Variants in LEKR1 observed in about 807,000 individuals in gnomAD.
LEKR1 encodes leucine, glutamate and lysine rich 1.
A neutral mutation model predicts 72.4 loss-of-function variants in LEKR1; 59 were observed. The ratio of observed to expected loss-of-function variants is 0.82; its 90% CI spans 0.66 to 1.01. The LOEUF is 1.01. Ranked by LOEUF, LEKR1 falls within the 50% of genes least tolerant of loss-of-function variation. The pLI is 0.00. For synonymous variants in LEKR1, 257 were observed against 263.2 expected (o/e 0.98, Z 0.23); for missense variants, 728 against 759.2 (o/e 0.96, Z 0.48).
At chr3:156,994,768 A>G (rs555625252) in intron 9 of LEKR1, among the ~76,000 whole-genome samples, 36 of 152,332 alleles carry the variant, frequency 2.4e-4, no homozygotes, top group African/African-American at 8.4e-4. Flanking sequence ...AATAAATACA[A>G]ATTTTCAAAG....
intron 12 of LEKR1, among the ~76,000 whole-genome samples, chr3:157,030,150 G>T (rs891451603): frequency 6.6e-6 from 1 of 152,104 alleles, no homozygotes; most frequent in Non-Finnish European, 1.5e-5. Flanking sequence ...AGAGAGAGGT[G>T]GGGGGAGGTG....
intron 3 of LEKR1, among the ~76,000 whole-genome samples, chr3:156,888,008 G>A (rs1576747761): frequency 6.6e-6 from 1 of 152,020 alleles, no homozygotes; most frequent in African/African-American, 2.4e-5. Context: ...TCATTATAGA[G>A]GTAATCTAGT....
At chr3:156,972,911 A>T (rs1729364076) in intron 6 of LEKR1, among the ~76,000 whole-genome samples, 1 of 152,050 alleles carries the variant, frequency 6.6e-6, no homozygotes, top group African/African-American at 2.4e-5. Context: ...TTATATAAGG[A>T]CAAATAAATA....
intron 3 of LEKR1, among the ~76,000 whole-genome samples, chr3:156,897,839 G>C (rs1721350506): frequency 6.6e-6 from 1 of 151,934 alleles, no homozygotes; most frequent in Non-Finnish European, 1.5e-5. Flanking sequence ...TGTAATTCCA[G>C]TTACTCGGGA....
intron 3 of LEKR1, among the ~76,000 whole-genome samples, chr3:156,913,301 A>G (rs1337549195): frequency 6.6e-6 from 1 of 151,976 alleles, no homozygotes; most frequent in African/African-American, 2.4e-5. Flanking sequence ...GTCATGTCTG[A>G]TTTCTTTCAG....
intron 6 of LEKR1, among the ~76,000 whole-genome samples, chr3:156,956,842 A>G (rs1281530650): frequency 6.6e-6 from 1 of 152,074 alleles, no homozygotes; most frequent in Non-Finnish European, 1.5e-5. Flanking sequence ...AGAAAACTCC[A>G]AGACCCCAAG....
chr3:156,859,048 T>C (rs773916604), intron 3 of LEKR1, among the ~76,000 whole-genome samples: 2 of 152,176 alleles, frequency 1.3e-5, no homozygotes, highest in Non-Finnish European at 2.9e-5. Flanking sequence ...ATTAAGAGTT[T>C]AATAAACAAT....
At chr3:156,955,571 T>C (rs1317835213) in intron 6 of LEKR1, among the ~76,000 whole-genome samples, 1 of 152,118 alleles carries the variant, frequency 6.6e-6, no homozygotes, top group Non-Finnish European at 1.5e-5. Flanking sequence ...TTGAATTTTA[T>C]CAAAGGCCTT....
intron 10 of LEKR1, among the ~76,000 whole-genome samples, chr3:157,020,015 GTCAA>G (rs1733685084): frequency 6.6e-6 from 1 of 152,124 alleles, no homozygotes; most frequent in Non-Finnish European, 1.5e-5. Flanking sequence ...GCTAGTAATA[GTCAA>G]TCATTCTTCT....
At chr3:156,961,042 C>T (rs1326553351) in intron 6 of LEKR1, among the ~76,000 whole-genome samples, 1 of 152,154 alleles carries the variant, frequency 6.6e-6, no homozygotes, top group Non-Finnish European at 1.5e-5. Flanking sequence ...TGTCAGCAGT[C>T]ACAAATATTG....
intron 10 of LEKR1, among the ~76,000 whole-genome samples, chr3:157,020,259 TTA>T (rs1194603934): frequency 9.7e-5 from 8 of 82,872 alleles, no homozygotes; most frequent in African/African-American, 3.9e-4. Context: ...TTTTCTTTTA[TTA>T]TTATTATTAT....
chr3:156,984,948 T>C (rs1448674538), intron 7 of LEKR1, among the ~76,000 whole-genome samples: 10 of 151,976 alleles, frequency 6.6e-5, no homozygotes, highest in Non-Finnish European at 1.3e-4. Flanking sequence ...GAGATATAAA[T>C]ATCAGCGTTC....
At chr3:156,953,911 AT>A (rs1286443067) in intron 6 of LEKR1, among the ~76,000 whole-genome samples, 2 of 151,910 alleles carry the variant, frequency 1.3e-5, no homozygotes, top group Non-Finnish European at 2.9e-5. Flanking sequence ...GTCAAATCGT[AT>A]TTTGGCCTCT....
intron 4 of LEKR1, among the ~76,000 whole-genome samples, chr3:156,922,963 C>T (rs774459179): frequency 4.6e-5 from 7 of 152,100 alleles, no homozygotes; most frequent in Non-Finnish European, 1.0e-4. Context: ...TAGACCTTAT[C>T]ATCTCTAAAA....
chr3:156,942,555 A>T lies in LEKR1; in HGVS notation c.586A>T (p.Thr196Ser). The change falls in exon 6 of 13, where the codon ACA (threonine) becomes TCA (serine). Residue 196 changes from threonine to serine, a missense_variant. By Grantham distance (58) the Thr-to-Ser change is moderately conservative (BLOSUM62 1). Coordinates refer to ENST00000356539, the MANE Select transcript of LEKR1 (RefSeq NM_001004316.3). Reference protein sequence around the residue: ...TEIDILNKSLTVSQRNKVCLE... With the variant: ...TEIDILNKSLSVSQRNKVCLE... Reference sequence around the variant, plus strand: ...AATAGACATACTGAATAAAAGTTTGACAGTATCCCAGAGAAATAAAGTATG... The same window carrying T: ...AATAGACATACTGAATAAAAGTTTGTCAGTATCCCAGAGAAATAAAGTATG... The T allele has an allele frequency of 8.0e-7, 1 of 1,247,232 alleles. No individual in the cohort carries two copies. Among genetic ancestry groups the T allele is most frequent in the Non-Finnish European group, 1.0e-6 (1 of 960,398 alleles). 77.3% of individuals were successfully genotyped at this position (1,247,232 alleles called of 1,614,324 possible).
intron 3 of LEKR1, among the ~76,000 whole-genome samples, chr3:156,901,093 G>A (rs1235750884): frequency 6.6e-6 from 1 of 151,410 alleles, no homozygotes; most frequent in African/African-American, 2.5e-5. Flanking sequence ...GCCAACCCCA[G>A]TAGCTGGGAT....
Position 156,873,843 on chromosome 3 carries a change from T to C in LEKR1, c.263+20861T>C, listed in dbSNP as rs541023248. ...TATCATCCCATTCTTTCCTGGCCCA[T>C]AAAGTTTCTGCTGAGAAATCTGCTA... On this transcript the variant is annotated intron_variant, in intron 3 of 12. Coordinates refer to ENST00000356539, the MANE Select transcript of LEKR1 (RefSeq NM_001004316.3). 5.2e-4 allele frequency among the ~76,000 whole-genome samples: 79 copies of C among 152,254 alleles called. 1 individual carries two copies. The highest frequency in any genetic ancestry group is 6.8e-3 in the Middle Eastern group (2 of 294).
intron 2 of LEKR1, among the ~76,000 whole-genome samples, chr3:156,842,665 C>T (rs760361637): frequency 6.6e-6 from 1 of 151,962 alleles, no homozygotes; most frequent in African/African-American, 2.4e-5. Flanking sequence ...AGATGGCTAC[C>T]AAAGAAAAAG....
At chr3:156,999,679 C>T (rs1731862491) in intron 9 of LEKR1, among the ~76,000 whole-genome samples, 1 of 152,194 alleles carries the variant, frequency 6.6e-6, no homozygotes, top group Admixed American at 6.5e-5. Context: ...TTACCAAGCC[C>T]TGTGTCCATA....
Sources: gnomAD v4.1 joint callset for allele counts (sites outside exome capture counted in the v4.1 genomes callset) on GRCh38, gnomAD v4.1.1 for gene constraint, MANE v1.5 for transcripts, NCBI Gene and HGNC (gene_info 2026-07-23, HGNC 2026-07-21) for gene names.